Variants in LRRC34 observed in about 807,000 individuals in gnomAD.
The protein encoded by LRRC34 is leucine-rich repeat-containing protein 34.
A neutral mutation model predicts 48.5 loss-of-function variants in LRRC34; 44 were observed. That is an observed-to-expected ratio of 0.91 (90% confidence interval 0.71 to 1.17). The LOEUF is 1.17. Among genes scored for constraint, LRRC34 ranks in the 50% most tolerant of loss-of-function variants. LRRC34 has a pLI of 0.00. For missense variants in LRRC34, 502 were observed against 563.0 expected (o/e 0.89, Z 1.10); for synonymous variants, 192 against 197.6 (o/e 0.97, Z 0.24).
In LRRC34 at chr3:169,812,563, C is replaced by A; in HGVS notation, c.-15G>T. On this transcript the variant is annotated 5_prime_UTR_variant, in exon 1 of 11. Transcript: ENST00000446859. The surrounding 1 kb of genome is among the most constrained non-coding windows in gnomAD (Gnocchi z 4.3). ...TGCGCTGCCATGGCGACCGCGCGCG[C>A]ACTTACAGTCCGCCTGCAGCTGTGA... 6.8e-7 allele frequency: 1 copy of A among 1,467,292 alleles called. No homozygotes were observed. Among genetic ancestry groups the A allele is most frequent in the Non-Finnish European group, 9.0e-7 (1 of 1,116,578 alleles). 90.9% of individuals were successfully genotyped at this position (1,467,292 alleles called of 1,614,324 possible).
At chr3:169,798,363 C>T (rs186221596) in intron 7 of LRRC34, among the ~76,000 whole-genome samples, 345 of 152,242 alleles carry the variant, frequency 2.3e-3, no homozygotes, top group Middle Eastern at 0.01. Context: ...TTCAAGCTCC[C>T]CGGATAATGC....
intron 10 of LRRC34, chr3:169,794,135 A>G (rs186591059): frequency 5.4e-5 from 12 of 224,188 alleles, no homozygotes; most frequent in Admixed American, 5.3e-4. Context: ...AATTTTGTGG[A>G]CCAAAGCTCC....
chr3:169,808,472 C>T (rs904222747), intron 2 of LRRC34, among the ~76,000 whole-genome samples, 156 bp downstream of exon 2: 7 of 152,110 alleles, frequency 4.6e-5, no homozygotes, highest in African/African-American at 1.7e-4. Flanking sequence ...GACCTACTAA[C>T]AGTGTTGCTC....
intron 5 of LRRC34, among the ~76,000 whole-genome samples, chr3:169,805,118 A>C (rs1293981771): frequency 6.6e-6 from 1 of 152,222 alleles, no homozygotes; most frequent in African/African-American, 2.4e-5. Flanking sequence ...ATGTCCTCTC[A>C]CCACTTCTAT....
At chr3:169,806,439 TAGAG>T (rs903188824) in intron 5 of LRRC34, among the ~76,000 whole-genome samples, 3 of 152,166 alleles carry the variant, frequency 2.0e-5, no homozygotes, top group East Asian at 3.9e-4. Flanking sequence ...GGCAAATACA[TAGAG>T]AGACGAAGTA....
chr3:169,811,440 A>G (rs1411191563), intron 1 of LRRC34, among the ~76,000 whole-genome samples: 1 of 152,244 alleles, frequency 6.6e-6, no homozygotes, highest in Admixed American at 6.5e-5. Context: ...CGTATTTTGT[A>G]TGCCAGGATT....
chr3:169,805,002 C>T (rs1779324917), intron 5 of LRRC34, among the ~76,000 whole-genome samples: 4 of 152,132 alleles, frequency 2.6e-5, no homozygotes, highest in African/African-American at 9.7e-5. Context: ...AAATATTTCA[C>T]AAAATCACAG....
At chr3:169,800,544 A>G (rs1410778269) in intron 7 of LRRC34, 115 bp downstream of exon 7, 2 of 519,994 alleles carry the variant, frequency 3.8e-6, no homozygotes, top group Middle Eastern at 4.7e-4. Context: ...TTTACAAGAT[A>G]TAGTAAGTAC....
intron 8 of LRRC34, 23 bp downstream of exon 8, chr3:169,796,722 T>C: frequency 6.3e-7 from 1 of 1,593,200 alleles, no homozygotes; most frequent in Non-Finnish European, 8.5e-7. Flanking sequence ...CTTTGAATTA[T>C]TAATGTGTAA....
rs1393186944 is a variant in LRRC34, at chr3:169,807,428, G to A, written c.442C>T (p.Gln148Ter). Residue 148 changes from glutamine to a stop codon, truncating the protein, a stop_gained and splice_region_variant, in exon 4 of 11, where the codon CAG (glutamine) becomes TAG (stop). Transcript: ENST00000446859. LOFTEE classifies it high-confidence loss of function. Reference protein sequence around the residue: ...VGAYYAAKLLQKQLNLIYLNL... With the variant: ...VGAYYAAKLL The stretch of plus-strand genomic sequence containing the variant: ...GACATTTTGTAGTAAAATAATACCT[G>A]AAGCAGTTTCGCAGCATAGTATGCA... 6.2e-7 allele frequency: 1 copy of A among 1,613,426 alleles called. No homozygotes were observed.
rs757482546 is a variant in LRRC34 at position 169,796,397 on chromosome 3, A to C, written c.909-28T>G. 9 of 1,584,946 alleles carry C rather than the reference A, an allele frequency of 5.7e-6. No homozygotes were observed. In the African/African-American group the frequency reaches 1.2e-4, roughly 22 times the overall value. On this transcript the variant is annotated intron_variant, in intron 8 of 10. Transcript: ENST00000446859. ...GGCAAAGGAAAAATAGTTATATTTGAAAATATGAAATAGTGTTTTTATTCA... is the reference window on the plus strand; with the variant it reads ...GGCAAAGGAAAAATAGTTATATTTGCAAATATGAAATAGTGTTTTTATTCA...
intron 10 of LRRC34, 28 bp downstream of exon 10, chr3:169,795,457 T>C: frequency 6.3e-7 from 1 of 1,579,014 alleles, no homozygotes. Context: ...GAAAAAGCCT[T>C]CAGTGAAGGA....
chr3:169,793,683 G>A lies in LRRC34; in HGVS notation c.1347C>T (p.His449=), dbSNP rs377711786. The stretch of plus-strand genomic sequence containing the variant: ...CAAGAGCAAAACCTGCATTAGATGA[G>A]TGGTCATAAGATTCTCCATAAGTTG... ...WTSTYGESYD[H]SSNAGFALVP... is the part of the protein sequence containing the mutation. Residue 449 remains histidine (H), a synonymous_variant, in exon 11 of 11, where the codon CAC becomes CAT. Coordinates refer to ENST00000446859, the MANE Select transcript of LRRC34 (RefSeq NM_001172779.2). 1 of 1,613,666 alleles carries A rather than the reference G, an allele frequency of 6.2e-7. No individual in the cohort carries two copies. Among genetic ancestry groups the A allele is most frequent in the African/African-American group, 1.3e-5 (1 of 74,884 alleles).
At position 169,812,264 on chromosome 3, in the gene LRRC34, G is replaced by A; in HGVS notation, c.139+146C>T. 9 of 1,130,162 alleles carry A rather than the reference G, an allele frequency of 8.0e-6. No homozygotes were observed. Among genetic ancestry groups the A allele is most frequent in the Non-Finnish European group, 1.1e-5 (9 of 841,532 alleles). The allele number at this position is 1,130,162 out of a possible 1,614,324, so 70.0% of individuals were successfully genotyped here. A position where few individuals can be genotyped will look rare whatever the true frequency, so the allele number is the denominator to read the frequency against. On this transcript the variant is annotated intron_variant, in intron 1 of 10. Transcript: ENST00000446859. The surrounding 1 kb of genome is among the most constrained non-coding windows in gnomAD (Gnocchi z 4.3). Reference sequence around the variant, plus strand: ...CGTTTCTGGGCGCCCCAAACCTCTGGCCACAGCTGGGGTTCCCAGGGGCCC... The same window carrying A: ...CGTTTCTGGGCGCCCCAAACCTCTGACCACAGCTGGGGTTCCCAGGGGCCC...
chr3:169,793,710 T>C lies in LRRC34; in HGVS notation c.1320A>G (p.Thr440=). 1 of 1,613,884 alleles carries C rather than the reference T, an allele frequency of 6.2e-7. No homozygotes were observed. Among genetic ancestry groups the C allele is most frequent in the Non-Finnish European group, 8.5e-7 (1 of 1,179,860 alleles). ...SNGLKKHYYW[T]STYGESYDHS... ...GGTCATAAGATTCTCCATAAGTTGA[T>C]GTCCAATAATAATGCTTTTTAAGGC... The change falls in exon 11 of 11, where the codon ACA becomes ACG. Residue 440 remains threonine (T), a synonymous_variant. Transcript: ENST00000446859.
intron 5 of LRRC34, 50 bp from the exon 6 acceptor site, chr3:169,804,231 A>G (rs771544518): frequency 2.8e-6 from 4 of 1,433,976 alleles, no homozygotes; most frequent in Non-Finnish European, 3.8e-6. Flanking sequence ...ACAGAATTCT[A>G]TATATTACAT....
Position 169,804,255 on chromosome 3 carries a change from G to C in LRRC34, c.529-74C>G, listed in dbSNP as rs974916163. 2.0e-5 allele frequency: 25 copies of C among 1,225,842 alleles called. No individual in the cohort carries two copies. The African/African-American group carries it at 5.1e-4, about 25-fold the overall frequency. 75.9% of individuals were successfully genotyped at this position (1,225,842 alleles called of 1,614,324 possible). On this transcript the variant is annotated intron_variant, in intron 5 of 10. Coordinates refer to ENST00000446859, the MANE Select transcript of LRRC34 (RefSeq NM_001172779.2). Reference sequence around the variant, plus strand: ...TATATATTACATGAATTAGGAGACTGTATTACTATTTGCAGACTCCAATTT... The same window carrying C: ...TATATATTACATGAATTAGGAGACTCTATTACTATTTGCAGACTCCAATTT...
In LRRC34 at chr3:169,798,630, A is replaced by C. The variant is rs532733362; in HGVS notation, c.754-1731T>G. Among the ~76,000 whole-genome samples, 6 of 152,306 alleles carry C rather than the reference A, an allele frequency of 3.9e-5. No individual in the cohort carries two copies. In the South Asian group the frequency reaches 1.2e-3, roughly 32 times the overall value. ...CAACAAGGGGGCCTGGGCTTTTAAT[A>C]ATAAGCATCCTCAGGTGGATTTAGG... On this transcript the variant is annotated intron_variant, in intron 7 of 10. Transcript: ENST00000446859.
intron 6 of LRRC34, among the ~76,000 whole-genome samples, chr3:169,803,160 AT>A (rs1450789142): frequency 6.6e-6 from 1 of 152,072 alleles, no homozygotes; most frequent in Admixed American, 6.6e-5. Flanking sequence ...AAAAAAACAC[AT>A]TTTTCATTAT....
Sources: gnomAD v4.1 joint callset for allele counts (sites outside exome capture counted in the v4.1 genomes callset) on GRCh38, gnomAD v4.1.1 for gene constraint, Gnocchi (gnomAD v3.1) non-coding constraint, MANE v1.5 for transcripts, NCBI Gene and HGNC (gene_info 2026-07-23, HGNC 2026-07-21) for gene names.